SLC17A5: variants seen among roughly 807,000 people sequenced by gnomAD.
SLC17A5 encodes the protein sialin.
In SLC17A5, 47 loss-of-function variants were observed where a neutral mutation model predicts 59.4. The observed-to-expected ratio is 0.79, with a 90% CI of 0.63 to 1.01. The LOEUF (loss-of-function observed/expected upper bound fraction) is 1.01. Ranked by LOEUF, SLC17A5 falls within the 50% of genes least tolerant of loss-of-function variation. SLC17A5 has a pLI of 0.00. For missense variants in SLC17A5, 522 were observed against 595.5 expected (o/e 0.88, Z 1.28); for synonymous variants, 202 against 210.7 (o/e 0.96, Z 0.36).
chr6:73,642,491 G>A (rs1363555880), intron 2 of SLC17A5, among the ~76,000 whole-genome samples: 1 of 152,176 alleles, frequency 6.6e-6, no homozygotes, highest in Non-Finnish European at 1.5e-5. Flanking sequence ...TTCACTTAGT[G>A]CTGGCTATTA....
intron 9 of SLC17A5, 139 bp from the exon 10 acceptor site, chr6:73,600,580 C>G: frequency 4.2e-6 from 3 of 708,730 alleles, no homozygotes; most frequent in Non-Finnish European, 7.3e-6. Flanking sequence ...ATGATCTCAG[C>G]TCACTGCAGC....
At chr6:73,652,361 T>C (rs999252489) in intron 1 of SLC17A5, among the ~76,000 whole-genome samples, 4 of 152,238 alleles carry the variant, frequency 2.6e-5, no homozygotes, top group South Asian at 2.1e-4. Context: ...TCAATCTTTA[T>C]TGAGATGTAT....
chr6:73,603,417 CCT>C (rs1767250069), intron 9 of SLC17A5, among the ~76,000 whole-genome samples: 1 of 127,950 alleles, frequency 7.8e-6, no homozygotes, highest in African/African-American at 3.5e-5. Context: ...AAAATTGCTG[CCT>C]CTTTTTTTTT....
At chr6:73,629,539 G>A (rs1316414787) in intron 6 of SLC17A5, among the ~76,000 whole-genome samples, 1 of 152,098 alleles carries the variant, frequency 6.6e-6, no homozygotes, top group African/African-American at 2.4e-5. Context: ...TTGGGAGGCC[G>A]AAGCTGGTAG....
intron 1 of SLC17A5, among the ~76,000 whole-genome samples, chr6:73,648,767 C>G (rs908206983): frequency 1.3e-5 from 2 of 152,060 alleles, no homozygotes; most frequent in Non-Finnish European, 2.9e-5. Flanking sequence ...CAGAGAAGGC[C>G]TCTTGGAGAA....
Position 73,641,695 on chromosome 6 carries a change from C to G in SLC17A5, c.521G>C (p.Gly174Ala). The change falls in exon 3 of 11, where the codon GGA becomes GCA. Residue 174 changes from glycine (G) to alanine (A), a missense_variant. Physicochemically the swap from Gly to Ala is moderately conservative, Grantham distance 60. Around this residue, in one of 3 missense-constraint regions of SLC17A5, gnomAD observed 338 missense variants for 363.8 expected, o/e 0.93. Transcript: ENST00000355773. Reference protein sequence around the residue: ...LIVLRALEGLGEGVTFPAMHA... With the variant: ...LIVLRALEGLAEGVTFPAMHA... The stretch of plus-strand genomic sequence containing the variant: ...CAAGAGAGAAAAGAAAATTACCTCT[C>G]CTAGTCCTTCTAGTGCTCTGAGTAC... The G allele has an allele frequency of 1.2e-6, 2 of 1,607,916 alleles. No homozygotes were observed. The highest frequency in any genetic ancestry group is 2.7e-5 in the African/African-American group (2 of 74,906).
rs941840825 is a variant in SLC17A5 at position 73,594,089 on chromosome 6, G to T, written c.*988C>A. The T allele has an allele frequency of 6.6e-6, 1 of 151,648 alleles. No homozygotes were observed. The highest frequency in any genetic ancestry group is 1.9e-4 in the East Asian group (1 of 5,178). 9.4% of individuals were successfully genotyped at this position (151,648 alleles called of 1,614,324 possible). A position where few individuals can be genotyped will look rare whatever the true frequency, so the allele number is the denominator to read the frequency against. The stretch of plus-strand genomic sequence containing the variant: ...GCTGGAGTGCAGTGGCGTGATCTTG[G>T]TTCACTGCAACTTCCACCTCCCAGG... On this transcript the variant is annotated 3_prime_UTR_variant, in exon 11 of 11. Transcript: ENST00000355773.
chr6:73,629,891 G>A (rs1289725917), intron 6 of SLC17A5, among the ~76,000 whole-genome samples: 1 of 152,192 alleles, frequency 6.6e-6, no homozygotes, highest in Non-Finnish European at 1.5e-5. Context: ...ATTAAAAGGA[G>A]ATCTTCAACA....
chr6:73,611,139 C>T (rs982968884), intron 8 of SLC17A5, among the ~76,000 whole-genome samples: 1 of 152,104 alleles, frequency 6.6e-6, no homozygotes, highest in African/African-American at 2.4e-5. Flanking sequence ...CCTGGCTGCT[C>T]AGGAGGCTGA....
At chr6:73,621,390 C>T (rs1768145934) in intron 7 of SLC17A5, among the ~76,000 whole-genome samples, 3 of 152,158 alleles carry the variant, frequency 2.0e-5, no homozygotes, top group South Asian at 4.1e-4. Context: ...CCACCTGCCT[C>T]GACCTCCCAA....
rs1348696822 is a variant in SLC17A5 at position 73,638,484 on chromosome 6, C to T, written c.541G>A (p.Ala181Thr). Reference protein sequence around the residue: ...EGLGEGVTFPAMHAMWSSWAP... With the variant: ...EGLGEGVTFPTMHAMWSSWAP... Reference sequence around the variant, plus strand: ...CAAGAAGACCACATGGCATGCATGGCTGGAAATGTAACACCCTGAGAGAAG... The same window carrying T: ...CAAGAAGACCACATGGCATGCATGGTTGGAAATGTAACACCCTGAGAGAAG... The change falls in exon 4 of 11, where the codon GCC becomes ACC. Residue 181 changes from alanine (A) to threonine (T), a missense_variant. Coordinates refer to ENST00000355773, the MANE Select transcript of SLC17A5 (RefSeq NM_012434.5). 3.7e-6 allele frequency: 6 copies of T among 1,613,548 alleles called. No individual in the cohort carries two copies. The highest frequency in any genetic ancestry group is 5.1e-6 in the Non-Finnish European group (6 of 1,179,638).
chr6:73,593,768 TAAA>T lies in SLC17A5; in HGVS notation c.*1306_*1308del, dbSNP rs2150070024. On this transcript the variant is annotated 3_prime_UTR_variant, in exon 11 of 11. Transcript: ENST00000355773. The stretch of plus-strand genomic sequence containing the variant: ...TTAAAAAAAAAATTCTCGTGTAGCT[TAAA>T]AACATAGAACAGGCTGGGCACAGTG... 6.6e-6 allele frequency: 1 copy of T among 152,176 alleles called. No homozygotes were observed. Among genetic ancestry groups the T allele is most frequent in the East Asian group, 1.9e-4 (1 of 5,170 alleles). The allele number at this position is 152,176 out of a possible 1,614,324, so 9.4% of individuals were successfully genotyped here. A position where few individuals can be genotyped will look rare whatever the true frequency, so the allele number is the denominator to read the frequency against.
intron 10 of SLC17A5, among the ~76,000 whole-genome samples, chr6:73,599,818 G>A (rs1393496703): frequency 7.4e-6 from 1 of 134,774 alleles, no homozygotes; most frequent in Non-Finnish European, 1.6e-5. Flanking sequence ...TTTTTTTTTT[G>A]AGACGGAGTC....
At chr6:73,614,518 T>C (rs1264101253) in intron 8 of SLC17A5, among the ~76,000 whole-genome samples, 1 of 152,216 alleles carries the variant, frequency 6.6e-6, no homozygotes, top group African/African-American at 2.4e-5. Flanking sequence ...GTGTCTTTTG[T>C]ATGCTAATGA....
chr6:73,635,000 A>G (rs989080878), intron 6 of SLC17A5, among the ~76,000 whole-genome samples: 2 of 151,676 alleles, frequency 1.3e-5, no homozygotes, highest in Non-Finnish European at 2.9e-5. Context: ...ACTTAAAAAT[A>G]TTTTTTATAG....
Position 73,596,811 on chromosome 6 carries a change from C to T in SLC17A5, c.1351-1597G>A, listed in dbSNP as rs570486773. Among the ~76,000 whole-genome samples, 7 of 146,778 alleles carry T rather than the reference C, an allele frequency of 4.8e-5. No individual in the cohort carries two copies. The South Asian group carries it at 6.5e-4, about 14-fold the overall frequency. On this transcript the variant is annotated intron_variant, in intron 10 of 10. Coordinates refer to ENST00000355773, the MANE Select transcript of SLC17A5 (RefSeq NM_012434.5). ...GTGGAGCTTGCAGTGAGGCTGAGATCGCTCCACTGCACTCCAGCTTGGGCA... is the reference window on the plus strand; with the variant it reads ...GTGGAGCTTGCAGTGAGGCTGAGATTGCTCCACTGCACTCCAGCTTGGGCA...
chr6:73,603,016 CAT>C (rs1174183518), intron 9 of SLC17A5, among the ~76,000 whole-genome samples: 1 of 152,002 alleles, frequency 6.6e-6, no homozygotes, highest in African/African-American at 2.4e-5. Flanking sequence ...AATTCTTCCC[CAT>C]AGAGATGATC....
intron 10 of SLC17A5, among the ~76,000 whole-genome samples, chr6:73,599,987 G>A (rs184416000): frequency 1.2e-4 from 18 of 152,104 alleles, no homozygotes; most frequent in African/African-American, 3.9e-4. Flanking sequence ...GTAGAGACGG[G>A]GTTTCACCAT....
Position 73,636,648 on chromosome 6 carries a change from T to C in SLC17A5, c.673A>G (p.Asn225Asp). The change falls in exon 5 of 11, where the codon AAT (asparagine) becomes GAT (aspartate). Residue 225 changes from asparagine (N) to aspartate (D), a missense_variant. Asn to Asp is a conservative substitution (Grantham distance 23). Coordinates refer to ENST00000355773, the MANE Select transcript of SLC17A5 (RefSeq NM_012434.5). Reference protein sequence around the residue: ...PLSGIICYYMNWTYVFYFFGT... With the variant: ...PLSGIICYYMDWTYVFYFFGT... The stretch of plus-strand genomic sequence containing the variant: ...AAAAAGTAGAAGACATAAGTCCAAT[T>C]CATATAGTAGCAAATTATTCCAGAA... The C allele has an allele frequency of 6.2e-7, 1 of 1,609,448 alleles. No homozygotes were observed. The highest frequency in any genetic ancestry group is 8.5e-7 in the Non-Finnish European group (1 of 1,175,722).
Sources: gnomAD v4.1 joint callset for allele counts (sites outside exome capture counted in the v4.1 genomes callset) on GRCh38, gnomAD v4.1.1 for gene constraint, gnomAD v4.1.1 regional missense constraint, MANE v1.5 for transcripts, NCBI Gene and HGNC (gene_info 2026-07-23, HGNC 2026-07-21) for gene names.